OXTR: variants seen among roughly 807,000 people sequenced by gnomAD.
OXTR encodes the protein oxytocin receptor.
In OXTR, 19 loss-of-function variants were observed where a neutral mutation model predicts 23.9. The ratio of observed to expected loss-of-function variants is 0.80; its 90% CI spans 0.56 to 1.17. The LOEUF is 1.17. Among genes scored for constraint, OXTR ranks in the 50% most tolerant of loss-of-function variants. The pLI, the probability that OXTR is intolerant of heterozygous loss-of-function variation, is 0.00. For missense variants in OXTR, 500 were observed against 550.7 expected (o/e 0.91, Z 0.92); for synonymous variants, 278 against 250.5 (o/e 1.11, Z -1.04).
intron 3 of OXTR, among the ~76,000 whole-genome samples, chr3:8,758,905 C>T (rs757948029): frequency 2.0e-5 from 3 of 152,194 alleles, no homozygotes; most frequent in South Asian, 2.1e-4. Context: ...CTGGGCCACA[C>T]GTGTAAAGGC....
chr3:8,746,362 A>G (rs1208013805), downstream of OXTR: 1 of 155,096 alleles, frequency 6.4e-6, no homozygotes, highest in African/African-American at 2.4e-5. Context: ...TGCCCTGAAA[A>G]ACAGACACAG....
downstream of OXTR, chr3:8,745,403 T>A (rs1244591476): frequency 1.4e-6 from 1 of 726,166 alleles, no homozygotes; most frequent in Non-Finnish European, 2.5e-6. The surrounding 1 kb of genome is among the most constrained non-coding windows in gnomAD (Gnocchi z 4.8). Flanking sequence ...CTAATACAGG[T>A]AGGGTCCAGC....
At chr3:8,742,372 A>AAAG in the OXTR span, 194 of 345,850 alleles carry the variant, frequency 5.6e-4, 1 homozygote, top group African/African-American at 2.1e-3. Flanking sequence ...AAAAAAAAAA[A>AAAG]AAGAAGAAGA....
intron 3 of OXTR, among the ~76,000 whole-genome samples, chr3:8,761,479 T>C (rs1553615762): frequency 1.2e-5 from 1 of 83,696 alleles, no homozygotes; most frequent in Non-Finnish European, 2.7e-5. Flanking sequence ...GTGTAGATCA[T>C]CGGGAAAACT....
intron 3 of OXTR, among the ~76,000 whole-genome samples, chr3:8,765,849 G>A (rs2268495): frequency 0.25 from 37,532 of 152,076 alleles, 4,690 homozygotes; most frequent in Admixed American, 0.3. Context: ...ACAGGTGTTC[G>A]GTAAATATTG....
At chr3:8,757,432 TAA>T (rs965170284) in intron 3 of OXTR, among the ~76,000 whole-genome samples, 2 of 140,382 alleles carry the variant, frequency 1.4e-5, no homozygotes, top group Admixed American at 1.4e-4. Context: ...TCTCAAAAGT[TAA>T]AAAAAAAAAC....
At chr3:8,755,204 C>G (rs192380942) in intron 3 of OXTR, among the ~76,000 whole-genome samples, 270 of 152,182 alleles carry the variant, frequency 1.8e-3, no homozygotes, top group Non-Finnish European at 3.3e-3. Context: ...TACAACCTAC[C>G]AGCCACAAAG....
At position 8,767,480 on chromosome 3, in the gene OXTR, A is replaced by G; in HGVS notation, c.708T>C (p.Ala236=). The G allele has an allele frequency of 6.2e-7, 1 of 1,606,432 alleles. No individual in the cohort carries two copies. Among genetic ancestry groups the G allele is most frequent in the Non-Finnish European group, 8.5e-7 (1 of 1,176,530 alleles). ...CTGGCGCCTCGGCCGCCGCCGCTGC[A>G]GCGGTCTTGAGCCGCAAGTTCTGCC... The part of the protein sequence containing the change: ...KIWQNLRLKT[A]AAAAAEAPEG... Residue 236 remains alanine (A), a synonymous_variant, in exon 3 of 4, where the codon GCT becomes GCC. Transcript: ENST00000316793.
intron 3 of OXTR, among the ~76,000 whole-genome samples, 157 bp from the exon 4 acceptor site, chr3:8,753,381 G>T (rs1171698999): frequency 1.3e-5 from 2 of 152,194 alleles, no homozygotes; most frequent in Non-Finnish European, 2.9e-5. Flanking sequence ...GGCAAAGTTT[G>T]TCTTCCTTCT....
chr3:8,754,290 G>T (rs538007129), intron 3 of OXTR, among the ~76,000 whole-genome samples: 3 of 152,304 alleles, frequency 2.0e-5, no homozygotes, highest in South Asian at 4.1e-4. Flanking sequence ...GTACTTCCAA[G>T]CACGGGGATA....
intron 3 of OXTR, among the ~76,000 whole-genome samples, chr3:8,762,276 C>T (rs1262917175): frequency 6.6e-6 from 1 of 152,180 alleles, no homozygotes; most frequent in East Asian, 1.9e-4. Context: ...GGGCCTCACC[C>T]AAGAGGCTGG....
In OXTR at chr3:8,753,068, G is replaced by A. The variant is rs199856198; in HGVS notation, c.1079C>T (p.Thr360Met). 82 of 1,614,114 alleles carry A rather than the reference G, an allele frequency of 5.1e-5. 3 individuals carry two copies. Among genetic ancestry groups the A allele is most frequent in the South Asian group, 1.8e-4 (16 of 91,072 alleles). ...CGAGTTGCTCTTTTTGCTGGCACTC[G>A]TCTCTCCCAGGCGTCTGCCCTTCAG... ...SYLKGRRLGETSASKKSNSSS... is the reference protein window; with the variant it reads ...SYLKGRRLGEMSASKKSNSSS... Residue 360 changes from threonine (T) to methionine (M), a missense_variant, in exon 4 of 4, where the codon ACG (threonine) becomes ATG (methionine). Physicochemically the swap from Thr to Met is moderately conservative, Grantham distance 81 (BLOSUM62 -1). Coordinates refer to ENST00000316793, the MANE Select transcript of OXTR (RefSeq NM_000916.4).
chr3:8,767,040 G>A (rs1259097012), intron 3 of OXTR, among the ~76,000 whole-genome samples: 1 of 152,170 alleles, frequency 6.6e-6, no homozygotes, highest in Non-Finnish European at 1.5e-5. Flanking sequence ...GTGACAGTTG[G>A]TACTTTTATC....
intron 3 of OXTR, among the ~76,000 whole-genome samples, chr3:8,766,373 T>A (rs747627204): frequency 6.6e-6 from 1 of 152,164 alleles, no homozygotes; most frequent in Non-Finnish European, 1.5e-5. Flanking sequence ...GTCGCCCTCT[T>A]CTATGCCCTC....
rs1708691264 is a variant in OXTR at position 8,768,484 on chromosome 3, C to A, written c.-143+12G>T. 3.3e-6 allele frequency: 1 copy of A among 302,160 alleles called. No homozygotes were observed. Among genetic ancestry groups the A allele is most frequent in the South Asian group, 1.6e-4 (1 of 6,242 alleles). 18.7% of individuals were successfully genotyped at this position (302,160 alleles called of 1,614,324 possible). A position where few individuals can be genotyped will look rare whatever the true frequency, so the allele number is the denominator to read the frequency against. On this transcript the variant is annotated intron_variant, in intron 2 of 3. Coordinates refer to ENST00000316793, the MANE Select transcript of OXTR (RefSeq NM_000916.4). This position sits in a 1 kb window ranked among gnomAD's most constrained non-coding sequence, Gnocchi z 5.4. ...GCTCAGCCGCCACCCCAGAAATCCCCGTTGGAGGTACCTCCTCTGAGCCAC... is the reference window on the plus strand; with the variant it reads ...GCTCAGCCGCCACCCCAGAAATCCCAGTTGGAGGTACCTCCTCTGAGCCAC...
Position 8,753,035 on chromosome 3 carries a change from AAGG to A in OXTR, c.1109_1111del (p.Ser370del). 1 of 1,614,156 alleles carries A rather than the reference AAGG, an allele frequency of 6.2e-7. No individual in the cohort carries two copies. Among genetic ancestry groups the A allele is most frequent in the Non-Finnish European group, 8.5e-7 (1 of 1,180,014 alleles). The stretch of plus-strand genomic sequence containing the variant: ...GCTGGAGCTGCGATGGCTCAGGACA[AAGG>A]AGGACGAGTTGCTCTTTTTGCTGGC... On this transcript the variant is annotated inframe_deletion, in exon 4 of 4. Coordinates refer to ENST00000316793, the MANE Select transcript of OXTR (RefSeq NM_000916.4).
At chr3:8,753,755 C>T (rs1341791777) in intron 3 of OXTR, among the ~76,000 whole-genome samples, 1 of 152,154 alleles carries the variant, frequency 6.6e-6, no homozygotes, top group Non-Finnish European at 1.5e-5. Flanking sequence ...TTAAAGAGTG[C>T]CTGGTACACA....
Position 8,768,034 on chromosome 3 carries a change from G to A in OXTR, c.154C>T (p.Leu52=). 6.2e-7 allele frequency: 1 copy of A among 1,603,170 alleles called. No individual in the cohort carries two copies. Among genetic ancestry groups the A allele is most frequent in the South Asian group, 1.1e-5 (1 of 89,252 alleles). The change falls in exon 3 of 4, where the codon CTG becomes TTG. Residue 52 remains leucine (L), a synonymous_variant. Coordinates refer to ENST00000316793, the MANE Select transcript of OXTR (RefSeq NM_000916.4). This position sits in a 1 kb window ranked among gnomAD's most constrained non-coding sequence, Gnocchi z 5.4. ...EVAVLCLILL[L]ALSGNACVLL... ...ACACACGCGTTCCCGCTCAGCGCCA[G>A]GAGCAGGATGAGACACAGCACCGCC...
downstream of OXTR, among the ~76,000 whole-genome samples, chr3:8,748,744 C>A (rs775254545): frequency 6.6e-6 from 1 of 152,172 alleles, no homozygotes; most frequent in Non-Finnish European, 1.5e-5. Context: ...CCTTAAGTGG[C>A]GTTTCATTGC....
Sources: gnomAD v4.1 joint callset for allele counts (sites outside exome capture counted in the v4.1 genomes callset) on GRCh38, gnomAD v4.1.1 for gene constraint, Gnocchi (gnomAD v3.1) non-coding constraint, MANE v1.5 for transcripts, NCBI Gene and HGNC (gene_info 2026-07-23, HGNC 2026-07-21) for gene names.